Variants in CCSER1 observed in about 807,000 individuals in gnomAD.
The protein encoded by CCSER1 is coiled-coil serine rich protein 1.
CCSER1 carries 41 observed loss-of-function variants against 82.0 expected under a neutral mutation model. The ratio of observed to expected loss-of-function variants is 0.50; its 90% CI spans 0.39 to 0.65. The LOEUF (loss-of-function observed/expected upper bound fraction) is 0.65, where lower values mean the gene tolerates loss of function less well. Ranked by LOEUF, CCSER1 falls within the 30% of genes least tolerant of loss-of-function variation. The pLI is 0.00. For missense variants in CCSER1, 1,119 were observed against 1,064.2 expected, an observed-to-expected ratio of 1.05 and a Z score of -0.72; for synonymous variants, 414 against 383.9, an observed-to-expected ratio of 1.08 and a Z score of -0.92.
At chr4:90,577,921 A>T (rs7665074) in intron 5 of CCSER1, among the ~76,000 whole-genome samples, 3,309 of 152,210 alleles carry the variant, frequency 0.022, 123 homozygotes, top group African/African-American at 0.07. Context: ...TAATAACTAA[A>T]GATATTAATA....
intron 5 of CCSER1, among the ~76,000 whole-genome samples, chr4:90,560,625 T>C (rs1778655383): frequency 6.6e-6 from 1 of 152,206 alleles, no homozygotes; most frequent in Admixed American, 6.6e-5. Context: ...TTTAATCTGT[T>C]AATTAAATTA....
intron 10 of CCSER1, among the ~76,000 whole-genome samples, chr4:91,264,712 A>G (rs1741442476): frequency 2.0e-5 from 3 of 151,998 alleles, no homozygotes; most frequent in Admixed American, 6.6e-5. Flanking sequence ...ACCAAGTCTG[A>G]CCCTGCTTAG....
intron 5 of CCSER1, among the ~76,000 whole-genome samples, chr4:90,519,589 T>A (rs1188926608): frequency 4.0e-5 from 6 of 151,444 alleles, no homozygotes; most frequent in Non-Finnish European, 7.4e-5. Flanking sequence ...CTTATTACAA[T>A]TTTTTTATTT....
intron 7 of CCSER1, among the ~76,000 whole-genome samples, chr4:90,758,435 A>T (rs1749899437): frequency 6.6e-6 from 1 of 152,158 alleles, no homozygotes; most frequent in South Asian, 2.1e-4. Flanking sequence ...AATGTTTATG[A>T]TTCAATATAT....
chr4:91,158,737 G>T (rs1581671425), intron 10 of CCSER1, among the ~76,000 whole-genome samples: 1 of 151,672 alleles, frequency 6.6e-6, no homozygotes, highest in Admixed American at 6.6e-5. Flanking sequence ...GTTCACTAAG[G>T]GTCTCAGTAA....
intron 10 of CCSER1, among the ~76,000 whole-genome samples, chr4:91,151,018 T>C (rs944222803): frequency 1.3e-5 from 2 of 152,204 alleles, no homozygotes; most frequent in Non-Finnish European, 2.9e-5. Context: ...TCTTTTTTTA[T>C]TGATTGAATA....
Position 90,748,169 on chromosome 4 carries a change from G to A in CCSER1, c.2010+24178G>A, listed in dbSNP as rs1216325166. On this transcript the variant is annotated intron_variant, in intron 7 of 10. Coordinates refer to ENST00000509176, the MANE Select transcript of CCSER1 (RefSeq NM_001145065.2). ...TCATCTAGCATTAGGTATATCTCCC[G>A]ATGCTATCCCTCCCCCCTCCCCCCA... Among the ~76,000 whole-genome samples the A allele has an allele frequency of 3.0e-4, 39 of 129,108 alleles. 1 individual carries two copies. The highest frequency in any genetic ancestry group is 3.0e-4 in the South Asian group (1 of 3,360). The allele number at this position is 129,108 out of a possible 152,430, so 84.7% of individuals were successfully genotyped here.
At chr4:91,374,738 G>A (rs767280849) in intron 10 of CCSER1, among the ~76,000 whole-genome samples, 5 of 152,236 alleles carry the variant, frequency 3.3e-5, no homozygotes, top group Non-Finnish European at 5.9e-5. Flanking sequence ...GCTCACGCCT[G>A]TAATCCCAGA....
At chr4:90,393,977 G>T (rs906493085) in intron 3 of CCSER1, among the ~76,000 whole-genome samples, 2 of 151,178 alleles carry the variant, frequency 1.3e-5, no homozygotes, top group Non-Finnish European at 2.9e-5. Flanking sequence ...GGGGGGTCTC[G>T]CTGTTTTGCC....
intron 1 of CCSER1, among the ~76,000 whole-genome samples, chr4:90,147,018 ATTATT>A (rs1471693540): frequency 1.3e-5 from 2 of 151,962 alleles, no homozygotes; most frequent in Non-Finnish European, 1.5e-5. Context: ...TTGTATTTTG[ATTATT>A]TTATTTATTT....
chr4:90,363,985 AT>A (rs1053956151), intron 3 of CCSER1, among the ~76,000 whole-genome samples: 2 of 152,150 alleles, frequency 1.3e-5, no homozygotes, highest in Non-Finnish European at 2.9e-5. Context: ...GAAAATGAGC[AT>A]TTTTTTATGT....
intron 1 of CCSER1, among the ~76,000 whole-genome samples, chr4:90,181,622 A>C (rs1446242115): frequency 2.0e-5 from 3 of 152,168 alleles, no homozygotes; most frequent in African/African-American, 7.2e-5. Context: ...TGCATTTTCC[A>C]TGGTTCCAAG....
At chr4:90,212,156 T>A (rs559732751) in intron 1 of CCSER1, among the ~76,000 whole-genome samples, 3 of 152,212 alleles carry the variant, frequency 2.0e-5, no homozygotes, top group Non-Finnish European at 4.4e-5. Context: ...ATTTTTAAAT[T>A]GCCACAATAA....
chr4:90,496,139 C>G (rs1378192375), intron 5 of CCSER1, among the ~76,000 whole-genome samples: 1 of 152,112 alleles, frequency 6.6e-6, no homozygotes, highest in Admixed American at 6.5e-5. Context: ...AGTGATTCAG[C>G]AAAACCACGA....
chr4:91,482,746 A>G lies in CCSER1; in HGVS notation c.2218-115826A>G, dbSNP rs1758006772. On this transcript the variant is annotated intron_variant, in intron 10 of 10. Coordinates refer to ENST00000509176, the MANE Select transcript of CCSER1 (RefSeq NM_001145065.2). ...TAAGAAAATGTGGCACATATACACCATGGAATACTATGCAGCCATAAAAAA... is the reference window on the plus strand; with the variant it reads ...TAAGAAAATGTGGCACATATACACCGTGGAATACTATGCAGCCATAAAAAA... Among the ~76,000 whole-genome samples the G allele has an allele frequency of 4.6e-5, 7 of 152,338 alleles. No individual in the cohort carries two copies. In the South Asian group the frequency reaches 1.0e-3, roughly 23 times the overall value.
At chr4:90,350,507 G>A (rs1743236907) in intron 3 of CCSER1, among the ~76,000 whole-genome samples, 1 of 152,060 alleles carries the variant, frequency 6.6e-6, no homozygotes, top group African/African-American at 2.4e-5. Flanking sequence ...GCATGTAATT[G>A]TTTACATAGA....
intron 10 of CCSER1, among the ~76,000 whole-genome samples, chr4:91,247,332 A>G (rs1016324823): frequency 6.6e-6 from 1 of 151,892 alleles, no homozygotes; most frequent in African/African-American, 2.4e-5. Context: ...GAATTAAAGA[A>G]TTAAGTAGAT....
chr4:91,517,829 TG>T, intron 10 of CCSER1, among the ~76,000 whole-genome samples: 1 of 151,988 alleles, frequency 6.6e-6, no homozygotes, highest in East Asian at 1.9e-4. Context: ...ACTTATATTC[TG>T]GATGTTTTCA....
intron 9 of CCSER1, among the ~76,000 whole-genome samples, chr4:91,076,591 T>C (rs1031607035): frequency 6.6e-6 from 1 of 152,178 alleles, no homozygotes; most frequent in Non-Finnish European, 1.5e-5. Flanking sequence ...AGTCACATAA[T>C]TTAAATTTTG....
Sources: gnomAD v4.1 joint callset for allele counts (sites outside exome capture counted in the v4.1 genomes callset) on GRCh38, gnomAD v4.1.1 for gene constraint, MANE v1.5 for transcripts, NCBI Gene and HGNC (gene_info 2026-07-23, HGNC 2026-07-21) for gene names.